Variants in PFKM observed in about 807,000 individuals in gnomAD.
PFKM encodes the protein ATP-dependent 6-phosphofructokinase, muscle type.
Under a neutral mutation model 95.5 loss-of-function variants are expected in PFKM, and 58 were observed. The observed-to-expected ratio is 0.61, with a 90% CI of 0.49 to 0.76. The LOEUF is 0.76. PFKM is among the 30% of genes least tolerant of loss of function. The pLI, the probability that PFKM is intolerant of heterozygous loss-of-function variation, is 0.00. For missense variants in PFKM, 678 were observed against 1,005.4 expected, an observed-to-expected ratio of 0.67 and a Z score of 4.40; for synonymous variants, 336 against 357.2, an observed-to-expected ratio of 0.94 and a Z score of 0.67.
chr12:48,139,132 A>G (rs772354722), intron 11 of PFKM, among the ~76,000 whole-genome samples, 153 bp from the exon 12 acceptor site: 4 of 152,206 alleles, frequency 2.6e-5, no homozygotes, highest in African/African-American at 4.8e-5. Context: ...AAATACTTCC[A>G]TGAAAGTTTG....
At chr12:48,137,114 T>G (rs549051296) in intron 10 of PFKM, among the ~76,000 whole-genome samples, 25 of 149,900 alleles carry the variant, frequency 1.7e-4, no homozygotes, top group African/African-American at 6.1e-4. Context: ...CAGGCTAGAG[T>G]GCAGTGGTGC....
In PFKM at chr12:48,135,287, T is replaced by C. The variant is rs1366950106; in HGVS notation, c.844-4T>C. ...TCTCTCTGTCCCTCTGTTGGTCCCT[T>C]CAGCTGGTGGTTAAGCGTCTGGGAT... On this transcript the variant is annotated splice_region_variant and splice_polypyrimidine_tract_variant and intron_variant, in intron 9 of 22. Transcript: ENST00000359794. The C allele has an allele frequency of 6.2e-7, 1 of 1,612,950 alleles. No homozygotes were observed. The highest frequency in any genetic ancestry group is 8.5e-7 in the Non-Finnish European group (1 of 1,179,004).
upstream of PFKM, among the ~76,000 whole-genome samples, chr12:48,114,665 AAGG>A (rs201757099): frequency 0.03 from 4,601 of 152,094 alleles, 98 homozygotes; most frequent in Non-Finnish European, 0.044. Flanking sequence ...AGAGGGAAAG[AAGG>A]AGGATTTGGG....
chr12:48,140,410 T>A (rs1950477671), intron 13 of PFKM, among the ~76,000 whole-genome samples: 1 of 152,214 alleles, frequency 6.6e-6, no homozygotes, highest in African/African-American at 2.4e-5. Flanking sequence ...TGGATTCTGA[T>A]GCAGGTGATC....
chr12:48,126,987 G>A (rs1948917583), intron 2 of PFKM, among the ~76,000 whole-genome samples: 1 of 152,120 alleles, frequency 6.6e-6, no homozygotes, highest in African/African-American at 2.4e-5. Flanking sequence ...TCAACTTAAG[G>A]TTGTGAACTT....
intron 3 of PFKM, among the ~76,000 whole-genome samples, chr12:48,111,021 A>G (rs758913390): frequency 6.6e-6 from 1 of 152,192 alleles, no homozygotes; most frequent in Admixed American, 6.5e-5. Flanking sequence ...TACTTCCAGG[A>G]AAAAAGCTCA....
At chr12:48,141,440 T>C in intron 15 of PFKM, 59 bp downstream of exon 15, 1 of 1,434,744 alleles carries the variant, frequency 7.0e-7, no homozygotes, top group Non-Finnish European at 9.8e-7. Context: ...CCCTTGGATG[T>C]GGGTTCATTA....
intron 14 of PFKM, 64 bp from the exon 15 acceptor site, chr12:48,141,247 C>T: frequency 6.9e-7 from 1 of 1,449,380 alleles, no homozygotes; most frequent in Non-Finnish European, 9.7e-7. Context: ...AGCAGTGGCA[C>T]CAGTCCCACA....
chr12:48,142,118 A>G (rs747519109), intron 17 of PFKM, 52 bp downstream of exon 17: 1 of 1,540,924 alleles, frequency 6.5e-7, no homozygotes, highest in East Asian at 2.2e-5. Flanking sequence ...TATAATCCTT[A>G]AACTGAGTGT....
At position 48,140,827 on chromosome 12, in the gene PFKM, G is replaced by C. The variant is rs769869451; in HGVS notation, c.1297G>C (p.Val433Leu). ...VRIGLIQGNR[V>L]LVVHDGFEGL... ...GATTGGCCTTATCCAGGGCAACCGA[G>C]TGCTCGTTGTCCATGATGGTTTCGA... The change falls in exon 14 of 23, where the codon GTG (valine) becomes CTG (leucine). Residue 433 changes from valine (V) to leucine (L), a missense_variant. Coordinates refer to ENST00000359794, the MANE Select transcript of PFKM (RefSeq NM_000289.6). The C allele has an allele frequency of 6.2e-7, 1 of 1,614,228 alleles. No homozygotes were observed. Among genetic ancestry groups the C allele is most frequent in the South Asian group, 1.1e-5 (1 of 91,086 alleles).
At chr12:48,126,549 G>C (rs574865089) in intron 2 of PFKM, among the ~76,000 whole-genome samples, 1 of 152,264 alleles carries the variant, frequency 6.6e-6, no homozygotes, top group Non-Finnish European at 1.5e-5. Flanking sequence ...GATAGTCCCT[G>C]CCCACCATCT....
chr12:48,106,087 G>C, exon 1 of PFKM: 2 of 702,614 alleles, frequency 2.8e-6, no homozygotes, highest in Non-Finnish European at 5.2e-6. Context: ...CGCAAAACCC[G>C]GGAACCGCCG....
chr12:48,134,352 A>ACT, intron 7 of PFKM, 76 bp downstream of exon 7: 12 of 1,227,112 alleles, frequency 9.8e-6, no homozygotes, highest in Non-Finnish European at 1.5e-5. Context: ...GAGTCCAGTG[A>ACT]GGTCTCTCAG....
intron 13 of PFKM, among the ~76,000 whole-genome samples, chr12:48,140,259 G>A (rs1400858408): frequency 6.6e-6 from 1 of 152,192 alleles, no homozygotes; most frequent in Admixed American, 6.5e-5. Context: ...TCTTCCACTG[G>A]AGTAGTGGTT....
intron 3 of PFKM, among the ~76,000 whole-genome samples, chr12:48,108,951 A>G (rs547992760): frequency 1.3e-5 from 2 of 152,354 alleles, no homozygotes; most frequent in South Asian, 4.1e-4. Flanking sequence ...TTTTCCTCAG[A>G]AAGTTGATAA....
At chr12:48,132,847 T>C in intron 4 of PFKM, 21 bp from the exon 5 acceptor site, 1 of 1,597,910 alleles carries the variant, frequency 6.3e-7, no homozygotes, top group South Asian at 1.1e-5. Flanking sequence ...TCTGGGGAGC[T>C]GACTTCTACC....
At chr12:48,121,117 A>G (rs945553056) in intron 1 of PFKM, among the ~76,000 whole-genome samples, 3 of 152,220 alleles carry the variant, frequency 2.0e-5, no homozygotes, top group African/African-American at 7.2e-5. Context: ...GGTTAGAGGA[A>G]GTCCAAAAGA....
At chr12:48,139,553 C>A (rs1277167155) in intron 12 of PFKM, 2 of 628,236 alleles carry the variant, frequency 3.2e-6, no homozygotes, top group Non-Finnish European at 5.7e-6. Context: ...CTGGCATCAA[C>A]CTTTTATAAT....
rs769711938 is a variant in PFKM at position 48,130,360 on chromosome 12, CA to C, written c.86-2del. The C allele has an allele frequency of 6.2e-7, 1 of 1,612,464 alleles. No individual in the cohort carries two copies. The highest frequency in any genetic ancestry group is 1.1e-5 in the South Asian group (1 of 91,054). On this transcript the variant is annotated splice_acceptor_variant, in intron 2 of 22. Transcript: ENST00000359794. LOFTEE classifies it high-confidence loss of function. ...CCGTGACTTCTTTTGTCCCTCCTTT[CA>C]GGTATGAATGCTGCTGTCAGGGCTG...
Sources: allele counts gnomAD v4.1 joint callset (sites outside exome capture counted in the v4.1 genomes callset), GRCh38; gene constraint gnomAD v4.1.1; transcripts MANE v1.5; gene names NCBI Gene and HGNC (gene_info 2026-07-23, HGNC 2026-07-21).